Variants in EPC2 observed in about 807,000 individuals in gnomAD.
EPC2 encodes enhancer of polycomb homolog 2.
In EPC2, 14 loss-of-function variants were observed where a neutral mutation model predicts 92.1. That is an observed-to-expected ratio of 0.15 (90% CI 0.10 to 0.24). The LOEUF is 0.24. Ranked by LOEUF, EPC2 falls within the 10% of genes least tolerant of loss-of-function variation. EPC2 has a pLI of 1.00. For missense variants in EPC2, 755 were observed against 971.5 expected, an observed-to-expected ratio of 0.78 and a Z score of 2.96; for synonymous variants, 340 against 334.7, an observed-to-expected ratio of 1.02 and a Z score of -0.17.
At chr2:148,672,346 A>G (rs568964631) in intron 1 of EPC2, among the ~76,000 whole-genome samples, 1 of 152,296 alleles carries the variant, frequency 6.6e-6, no homozygotes, top group Admixed American at 6.5e-5. Flanking sequence ...CCTTATGTCT[A>G]AAGTGAATCT....
At chr2:148,694,179 G>C (rs536423833) in intron 2 of EPC2, among the ~76,000 whole-genome samples, 2 of 152,266 alleles carry the variant, frequency 1.3e-5, no homozygotes, top group East Asian at 3.9e-4. Flanking sequence ...AAAATTATTA[G>C]TGCATACAGT....
intron 1 of EPC2, among the ~76,000 whole-genome samples, chr2:148,689,219 C>G (rs1681592977): frequency 6.6e-6 from 1 of 151,778 alleles, no homozygotes; most frequent in East Asian, 1.9e-4. Flanking sequence ...GCTGTGTCGC[C>G]CAGGCTGGAG....
intron 1 of EPC2, 59 bp downstream of exon 1, chr2:148,645,229 C>A: frequency 7.1e-7 from 1 of 1,407,926 alleles, no homozygotes; most frequent in South Asian, 1.3e-5. Flanking sequence ...CTTTGTCAGT[C>A]GGGCCTCGCC....
At chr2:148,684,285 T>C (rs535292575) in intron 1 of EPC2, among the ~76,000 whole-genome samples, 9 of 152,368 alleles carry the variant, frequency 5.9e-5, no homozygotes, top group Non-Finnish European at 1.2e-4. Flanking sequence ...TTTGCAAATA[T>C]TTTCTCCCAC....
intron 3 of EPC2, among the ~76,000 whole-genome samples, chr2:148,745,466 A>G (rs868681718): frequency 2.0e-5 from 3 of 152,116 alleles, no homozygotes; most frequent in Non-Finnish European, 4.4e-5. Context: ...TCAGCGTATT[A>G]TCCAATTGGA....
At chr2:148,758,110 T>C (rs1683228968) in intron 4 of EPC2, among the ~76,000 whole-genome samples, 1 of 122,660 alleles carries the variant, frequency 8.2e-6, no homozygotes, top group Non-Finnish European at 1.5e-5. Flanking sequence ...AAATAGATTA[T>C]GAAAGTAATG....
intron 2 of EPC2, among the ~76,000 whole-genome samples, chr2:148,732,946 C>CTTT (rs147569199): frequency 0.012 from 1,003 of 82,438 alleles, 18 homozygotes; most frequent in Middle Eastern, 0.027. Flanking sequence ...GTGAATAGCT[C>CTTT]TTTTTTTTTT....
intron 1 of EPC2, among the ~76,000 whole-genome samples, chr2:148,671,921 T>C (rs1416784255): frequency 6.6e-6 from 1 of 152,184 alleles, no homozygotes; most frequent in Non-Finnish European, 1.5e-5. Context: ...CTTTTTGTTT[T>C]AGTAGGTGAG....
chr2:148,720,877 C>T (rs1187385428), intron 2 of EPC2, among the ~76,000 whole-genome samples: 3 of 152,166 alleles, frequency 2.0e-5, no homozygotes, highest in African/African-American at 4.8e-5. Context: ...ATTCACTCGC[C>T]GCTTTCGTTC....
intron 1 of EPC2, 171 bp downstream of exon 1, chr2:148,645,341 G>T (rs1013259533): frequency 1.8e-6 from 1 of 568,138 alleles, no homozygotes; most frequent in South Asian, 2.2e-5. Context: ...CCGGCGTAGC[G>T]CCCGCCCGCG....
rs566806763 is a variant in EPC2, at chr2:148,787,031, A to G, written c.*654A>G. 1 of 152,730 alleles carries G rather than the reference A, an allele frequency of 6.5e-6. No homozygotes were observed. The highest frequency in any genetic ancestry group is 1.9e-4 in the East Asian group (1 of 5,194). 9.5% of individuals were successfully genotyped at this position (152,730 alleles called of 1,614,324 possible). A position where few individuals can be genotyped will look rare whatever the true frequency, so the allele number is the denominator to read the frequency against. On this transcript the variant is annotated 3_prime_UTR_variant, in exon 14 of 14. Coordinates refer to ENST00000258484, the MANE Select transcript of EPC2 (RefSeq NM_015630.4). Reference sequence around the variant, plus strand: ...GTAACTCACTTTTCCATATATTTTGAATGTATATTTCTATTTATGATACCA... The same window carrying G: ...GTAACTCACTTTTCCATATATTTTGGATGTATATTTCTATTTATGATACCA...
chr2:148,703,465 CAAAA>C (rs1558814366), intron 2 of EPC2, among the ~76,000 whole-genome samples: 2 of 151,586 alleles, frequency 1.3e-5, no homozygotes, highest in African/African-American at 4.8e-5. Context: ...CTAAAGGAAA[CAAAA>C]AACGTTTCAG....
At chr2:148,720,242 A>C (rs915408142) in intron 2 of EPC2, among the ~76,000 whole-genome samples, 2 of 152,354 alleles carry the variant, frequency 1.3e-5, no homozygotes, top group Admixed American at 1.3e-4. Flanking sequence ...GAGTTGTGCC[A>C]CTGGGGGGAC....
At chr2:148,699,834 T>C (rs2105376646) in intron 2 of EPC2, among the ~76,000 whole-genome samples, 1 of 152,350 alleles carries the variant, frequency 6.6e-6, no homozygotes, top group South Asian at 2.1e-4. Flanking sequence ...TGTACCATTT[T>C]GCATTCCCAC....
intron 2 of EPC2, chr2:148,692,485 T>C (rs1320800062): frequency 6.6e-6 from 1 of 152,234 alleles, no homozygotes; most frequent in Non-Finnish European, 1.5e-5. Flanking sequence ...AAAAAGTCTT[T>C]TGGTGGTACA....
At chr2:148,708,143 A>G (rs1682045498) in intron 2 of EPC2, among the ~76,000 whole-genome samples, 1 of 152,200 alleles carries the variant, frequency 6.6e-6, no homozygotes, top group Non-Finnish European at 1.5e-5. Flanking sequence ...TAGATGCAGT[A>G]AAAAATGATA....
chr2:148,711,834 C>T (rs1682149729), intron 2 of EPC2, among the ~76,000 whole-genome samples: 1 of 152,106 alleles, frequency 6.6e-6, no homozygotes. Context: ...ATGTAATATG[C>T]CTCTTCATCC....
intron 8 of EPC2, among the ~76,000 whole-genome samples, chr2:148,769,479 G>T (rs1177704888): frequency 1.3e-5 from 2 of 152,166 alleles, no homozygotes; most frequent in Admixed American, 1.3e-4. Context: ...TTCATTTTGG[G>T]CTCTAATTAT....
chr2:148,651,448 A>G lies in EPC2; in HGVS notation c.153+6278A>G, dbSNP rs115006114. 5.1e-3 allele frequency among the ~76,000 whole-genome samples: 784 copies of G among 152,266 alleles called. 3 individuals are homozygous for G. Among genetic ancestry groups the G allele is most frequent in the Middle Eastern group, 0.017 (5 of 294 alleles). ...TAAAAACCGTTTAAAACATAGAAGC[A>G]CTCAGTAAATATTTGGTGAATGAAG... On this transcript the variant is annotated intron_variant, in intron 1 of 13. Transcript: ENST00000258484.
Sources: allele counts gnomAD v4.1 joint callset (sites outside exome capture counted in the v4.1 genomes callset), GRCh38; gene constraint gnomAD v4.1.1; transcripts MANE v1.5; gene names NCBI Gene and HGNC (gene_info 2026-07-23, HGNC 2026-07-21).